KIDINS220: variants seen among roughly 807,000 people sequenced by gnomAD.
KIDINS220 encodes kinase D interacting substrate 220.
In KIDINS220, 63 loss-of-function variants were observed where a neutral mutation model predicts 157.6. The ratio of observed to expected loss-of-function variants is 0.40; its 90% CI spans 0.33 to 0.49. The LOEUF (loss-of-function observed/expected upper bound fraction) is 0.49, where lower values mean the gene tolerates loss of function less well. Ranked by LOEUF, KIDINS220 falls within the 20% of genes least tolerant of loss-of-function variation. The pLI is 0.66. For missense variants in KIDINS220, 1,772 were observed against 2,171.2 expected (o/e 0.82, Z 3.65); for synonymous variants, 732 against 783.6 (o/e 0.93, Z 1.10).
At chr2:8,819,123 G>A (rs1440464963) in intron 2 of KIDINS220, among the ~76,000 whole-genome samples, 1 of 152,052 alleles carries the variant, frequency 6.6e-6, no homozygotes, top group Non-Finnish European at 1.5e-5. Context: ...AATACTTATG[G>A]TAGCCAAATT....
intron 21 of KIDINS220, among the ~76,000 whole-genome samples, chr2:8,774,968 C>T (rs1215862018): frequency 6.6e-6 from 1 of 152,054 alleles, no homozygotes; most frequent in East Asian, 1.9e-4. Flanking sequence ...AAAGGTAGAA[C>T]ATGATAATGT....
At chr2:8,825,308 G>A (rs1339886645) in intron 2 of KIDINS220, among the ~76,000 whole-genome samples, 1 of 147,402 alleles carries the variant, frequency 6.8e-6, no homozygotes, top group Non-Finnish European at 1.5e-5. Flanking sequence ...AGGGGGCGGA[G>A]GTTGCAGTGA....
In KIDINS220 at chr2:8,788,544, C is replaced by A. The variant is rs1010180741; in HGVS notation, c.1787+103G>T. 3.5e-6 allele frequency: 4 copies of A among 1,141,282 alleles called. No homozygotes were observed. The African/African-American group carries it at 6.2e-5, about 18-fold the overall frequency. 70.7% of individuals were successfully genotyped at this position (1,141,282 alleles called of 1,614,324 possible). A position where few individuals can be genotyped will look rare whatever the true frequency, so the allele number is the denominator to read the frequency against. On this transcript the variant is annotated intron_variant, in intron 15 of 29. Transcript: ENST00000256707. ...TTGGCCTCCCAAAGTGCTGGGATTACAAGCGTGAGCCACCACACCCGGCTC... is the reference window on the plus strand; with the variant it reads ...TTGGCCTCCCAAAGTGCTGGGATTAAAAGCGTGAGCCACCACACCCGGCTC...
chr2:8,740,590 A>G (rs1665490948), intron 26 of KIDINS220, among the ~76,000 whole-genome samples: 1 of 152,234 alleles, frequency 6.6e-6, no homozygotes, highest in South Asian at 2.1e-4. Flanking sequence ...AGACTATCAC[A>G]TGATCATAAA....
At chr2:8,823,644 A>C (rs1678325919) in intron 2 of KIDINS220, among the ~76,000 whole-genome samples, 1 of 152,190 alleles carries the variant, frequency 6.6e-6, no homozygotes. Context: ...GATTAATTTT[A>C]CGCTTATTGA....
At chr2:8,814,672 T>A (rs887622066) in intron 4 of KIDINS220, among the ~76,000 whole-genome samples, 1 of 152,178 alleles carries the variant, frequency 6.6e-6, no homozygotes, top group Admixed American at 6.5e-5. Context: ...TAGGTGAAAG[T>A]TTTAGTCAGA....
intron 27 of KIDINS220, among the ~76,000 whole-genome samples, chr2:8,735,005 A>G (rs1021134179): frequency 3.3e-5 from 5 of 152,172 alleles, no homozygotes; most frequent in African/African-American, 9.7e-5. Context: ...TAACCCTCCT[A>G]TTTCCAAAAC....
chr2:8,755,884 T>C (rs1209606829), intron 22 of KIDINS220, among the ~76,000 whole-genome samples: 1 of 152,246 alleles, frequency 6.6e-6, no homozygotes, highest in African/African-American at 2.4e-5. Flanking sequence ...TACTGTAGCT[T>C]TGTAGTATGT....
intron 3 of KIDINS220, 132 bp from the exon 4 acceptor site, chr2:8,817,848 T>G (rs1265418023): frequency 3.9e-6 from 2 of 509,978 alleles, no homozygotes; most frequent in Admixed American, 7.1e-5. Flanking sequence ...CTAACTAAAC[T>G]ACTCTAAAGT....
At chr2:8,764,276 A>AC (rs1274044774) in intron 22 of KIDINS220, among the ~76,000 whole-genome samples, 3 of 152,198 alleles carry the variant, frequency 2.0e-5, no homozygotes, top group Non-Finnish European at 4.4e-5. Flanking sequence ...GGGAAAAAAA[A>AC]CTACATATTG....
intron 22 of KIDINS220, among the ~76,000 whole-genome samples, chr2:8,767,879 T>C (rs1669682842): frequency 6.6e-6 from 1 of 152,234 alleles, no homozygotes; most frequent in South Asian, 2.1e-4. Context: ...TACAGCAAAT[T>C]GCTACTTCAA....
chr2:8,775,788 T>G (rs190421982), intron 21 of KIDINS220, among the ~76,000 whole-genome samples: 1 of 152,118 alleles, frequency 6.6e-6, no homozygotes, highest in Non-Finnish European at 1.5e-5. Context: ...ACAATCTGTG[T>G]GTTGATGGGA....
chr2:8,741,110 G>C (rs1009218639), intron 26 of KIDINS220, among the ~76,000 whole-genome samples: 4 of 152,144 alleles, frequency 2.6e-5, no homozygotes, highest in South Asian at 4.1e-4. Flanking sequence ...CAAAATAGGA[G>C]TGCTAAGGAA....
intron 13 of KIDINS220, 64 bp downstream of exon 13, chr2:8,790,996 C>A: frequency 6.8e-7 from 1 of 1,480,926 alleles, no homozygotes; most frequent in Non-Finnish European, 9.1e-7. Context: ...CTCTTTATTT[C>A]AGAAAAATCC....
intron 4 of KIDINS220, 114 bp from the exon 5 acceptor site, chr2:8,813,449 T>C: frequency 1.4e-6 from 1 of 734,188 alleles, no homozygotes; most frequent in Non-Finnish European, 2.3e-6. Context: ...TGTTTCATGA[T>C]GGTAGTATTA....
At chr2:8,723,574 C>A (rs2147917706), downstream of KIDINS220, 1 of 152,278 alleles carries the variant, frequency 6.6e-6, no homozygotes, top group Middle Eastern at 3.4e-3. Flanking sequence ...GGATAACATG[C>A]TTATTCTAGC....
chr2:8,739,131 C>T (rs1206376047), intron 26 of KIDINS220, among the ~76,000 whole-genome samples: 1 of 152,148 alleles, frequency 6.6e-6, no homozygotes, highest in African/African-American at 2.4e-5. Context: ...AAAGACACCG[C>T]CCTTTTCCTT....
intron 4 of KIDINS220, among the ~76,000 whole-genome samples, chr2:8,817,269 A>G (rs537842834): frequency 2.4e-4 from 37 of 152,350 alleles, no homozygotes; most frequent in African/African-American, 8.7e-4. Flanking sequence ...CAAACACCTG[A>G]TAATAGTTTT....
intron 22 of KIDINS220, among the ~76,000 whole-genome samples, chr2:8,769,920 A>G (rs1669954168): frequency 1.3e-5 from 2 of 152,234 alleles, no homozygotes; most frequent in African/African-American, 4.8e-5. Context: ...CATATAAATT[A>G]AACAGCAAAA....
Sources: allele counts gnomAD v4.1 joint callset (sites outside exome capture counted in the v4.1 genomes callset), GRCh38; gene constraint gnomAD v4.1.1; transcripts MANE v1.5; gene names NCBI Gene and HGNC (gene_info 2026-07-23, HGNC 2026-07-21).